The following TRDMT1 variants were observed in gnomAD, a reference collection of about 807,000 sequenced individuals.
TRDMT1 encodes tRNA (cytosine(38)-C(5))-methyltransferase.
In TRDMT1, 49 loss-of-function variants were observed where a neutral mutation model predicts 51.2. The ratio of observed to expected loss-of-function variants is 0.96; its 90% CI spans 0.76 to 1.21. The LOEUF is 1.21. Ranked by LOEUF, TRDMT1 falls within the 50% of genes most tolerant of loss-of-function variation. The pLI is 0.00. For synonymous variants in TRDMT1, 187 were observed against 164.6 expected (o/e 1.14, Z -1.04); for missense variants, 534 against 462.3 (o/e 1.16, Z -1.42).
Position 17,201,552 on chromosome 10 carries a change from G to T in TRDMT1, c.64+19C>A, listed in dbSNP as rs1207541055. 5 of 1,548,592 alleles carry T rather than the reference G, an allele frequency of 3.2e-6. No homozygotes were observed. Among genetic ancestry groups the T allele is most frequent in the Admixed American group, 3.9e-5 (2 of 50,716 alleles). On this transcript the variant is annotated intron_variant, in intron 1 of 10. Coordinates refer to ENST00000377799, the MANE Select transcript of TRDMT1 (RefSeq NM_004412.7). Reference sequence around the variant, plus strand: ...CCCCCGTGAGCGAATAGAGAGAGGGGTGCTAGATGGACTCTCACCTCTCAG... The same window carrying T: ...CCCCCGTGAGCGAATAGAGAGAGGGTTGCTAGATGGACTCTCACCTCTCAG...
chr10:17,195,324 G>A (rs1283909401), intron 1 of TRDMT1, among the ~76,000 whole-genome samples: 1 of 152,162 alleles, frequency 6.6e-6, no homozygotes, highest in Non-Finnish European at 1.5e-5. Flanking sequence ...GCATCTGGAG[G>A]CCATTATCCT....
intron 1 of TRDMT1, among the ~76,000 whole-genome samples, chr10:17,190,354 G>A (rs894396716): frequency 1.9e-4 from 29 of 150,220 alleles, no homozygotes; most frequent in Non-Finnish European, 4.4e-5. Context: ...GTAATTATGT[G>A]TAGATTTGCT....
At chr10:17,157,338 C>G in intron 8 of TRDMT1, 103 bp downstream of exon 8, 2 of 1,170,464 alleles carry the variant, frequency 1.7e-6, no homozygotes, top group South Asian at 3.5e-5. Flanking sequence ...CTAGCAAAAA[C>G]ATTTTATAAA....
chr10:17,183,196 AT>A (rs1843484335), intron 1 of TRDMT1, among the ~76,000 whole-genome samples: 1 of 152,186 alleles, frequency 6.6e-6, no homozygotes, highest in East Asian at 1.9e-4. Flanking sequence ...CAATATCCAT[AT>A]TATTTACTAC....
chr10:17,167,686 T>TC (rs1298770445), intron 3 of TRDMT1, among the ~76,000 whole-genome samples: 1 of 152,194 alleles, frequency 6.6e-6, no homozygotes, highest in Non-Finnish European at 1.5e-5. Context: ...CTATGAAAAG[T>TC]CAGAATTATT....
At chr10:17,196,687 T>C (rs981648728) in intron 1 of TRDMT1, among the ~76,000 whole-genome samples, 4 of 152,186 alleles carry the variant, frequency 2.6e-5, no homozygotes, top group Admixed American at 1.3e-4. Flanking sequence ...TTGCCTATGT[T>C]TCCTGTGTTT....
intron 10 of TRDMT1, chr10:17,150,455 C>T (rs754989832): frequency 7.4e-5 from 73 of 985,184 alleles, no homozygotes; most frequent in Non-Finnish European, 8.3e-5. Context: ...ACATTCCTTT[C>T]TTAAAACAAA....
chr10:17,140,033 T>C lies in TRDMT1; in HGVS notation c.*9007A>G, dbSNP rs1588671045. 1.7e-5 allele frequency among the ~76,000 whole-genome samples: 2 copies of C among 117,842 alleles called. No individual in the cohort carries two copies. Among genetic ancestry groups the C allele is most frequent in the South Asian group, 6.6e-4 (2 of 3,008 alleles). 77.3% of individuals were successfully genotyped at this position (117,842 alleles called of 152,430 possible). On this transcript the variant is annotated 3_prime_UTR_variant, in exon 11 of 11. Transcript: ENST00000377799. ...TAAATATTCTTCCAGTAACATCTAG[T>C]GTGCTTTTTTTTTTTTTTTTTTTTT...
chr10:17,161,115 C>T (rs1266184165), intron 5 of TRDMT1, among the ~76,000 whole-genome samples: 4 of 152,144 alleles, frequency 2.6e-5, no homozygotes, highest in Non-Finnish European at 5.9e-5. Flanking sequence ...GGAATTCTTC[C>T]TGCATCCAAC....
intron 1 of TRDMT1, among the ~76,000 whole-genome samples, chr10:17,182,202 G>A (rs773331369): frequency 6.6e-6 from 1 of 152,128 alleles, no homozygotes; most frequent in Non-Finnish European, 1.5e-5. Context: ...ATGCAATAAG[G>A]GGAGAACATA....
intron 10 of TRDMT1, chr10:17,150,414 T>C: frequency 1.0e-6 from 1 of 985,404 alleles, no homozygotes; most frequent in African/African-American, 1.7e-5. Context: ...CTTCCACAAA[T>C]TGCCTTTCTC....
At chr10:17,172,416 G>T (rs1842145389) in intron 2 of TRDMT1, among the ~76,000 whole-genome samples, 1 of 152,096 alleles carries the variant, frequency 6.6e-6, no homozygotes, top group Non-Finnish European at 1.5e-5. Context: ...CCAGCACTTT[G>T]AGAGGCTGAT....
intron 6 of TRDMT1, among the ~76,000 whole-genome samples, chr10:17,159,584 T>C (rs1047262694): frequency 7.2e-5 from 11 of 152,160 alleles, no homozygotes; most frequent in African/African-American, 2.7e-4. Flanking sequence ...TGGCTATTTA[T>C]TACCTCATTT....
chr10:17,153,887 C>G (rs1167485963), intron 9 of TRDMT1, among the ~76,000 whole-genome samples: 1 of 151,962 alleles, frequency 6.6e-6, no homozygotes. Flanking sequence ...CATTTTTGAG[C>G]CCTTAAAATC....
chr10:17,142,930 G>T lies in TRDMT1; in HGVS notation c.*6110C>A. ...AGAGTTTATAATTACACTTTTCAGG[G>T]AGGAGCAGGGAGAAATAAATCTACA... On this transcript the variant is annotated 3_prime_UTR_variant, in exon 11 of 11. Coordinates refer to ENST00000377799, the MANE Select transcript of TRDMT1 (RefSeq NM_004412.7). 1 of 907,452 alleles carries T rather than the reference G, an allele frequency of 1.1e-6. No homozygotes were observed. Among genetic ancestry groups the T allele is most frequent in the Non-Finnish European group, 1.3e-6 (1 of 759,274 alleles). The allele number at this position is 907,452 out of a possible 1,614,324, so 56.2% of individuals were successfully genotyped here.
In TRDMT1 at chr10:17,146,402, G is replaced by A. The variant is rs1381469916; in HGVS notation, c.*2638C>T. On this transcript the variant is annotated 3_prime_UTR_variant, in exon 11 of 11. Coordinates refer to ENST00000377799, the MANE Select transcript of TRDMT1 (RefSeq NM_004412.7). ...GGTGATGCCATCATTCCTCTTTCTT[G>A]CCTGCCACTGAGGATTGTCAGGCTC... 2.0e-6 allele frequency: 2 copies of A among 985,228 alleles called. No homozygotes were observed. The highest frequency in any genetic ancestry group is 1.7e-5 in the African/African-American group (1 of 57,212). The allele number at this position is 985,228 out of a possible 1,614,324, so 61.0% of individuals were successfully genotyped here. A position where few individuals can be genotyped will look rare whatever the true frequency, so the allele number is the denominator to read the frequency against.
intron 1 of TRDMT1, among the ~76,000 whole-genome samples, chr10:17,189,235 T>A (rs2131593921): frequency 6.6e-6 from 1 of 152,330 alleles, no homozygotes; most frequent in African/African-American, 2.4e-5. Flanking sequence ...GTATATATAT[T>A]TGTATTTTGT....
chr10:17,179,003 C>G (rs1842952917), intron 1 of TRDMT1, among the ~76,000 whole-genome samples: 1 of 151,264 alleles, frequency 6.6e-6, no homozygotes, highest in Non-Finnish European at 1.5e-5. Context: ...CATACCAGAG[C>G]CAGAGAAGTG....
At chr10:17,187,032 T>C (rs779147800) in intron 1 of TRDMT1, among the ~76,000 whole-genome samples, 6 of 152,214 alleles carry the variant, frequency 3.9e-5, no homozygotes, top group Non-Finnish European at 8.8e-5. Flanking sequence ...TTAGCATCAT[T>C]GGTGAGTTTT....
Sources: allele counts gnomAD v4.1 joint callset (sites outside exome capture counted in the v4.1 genomes callset), GRCh38; gene constraint gnomAD v4.1.1; transcripts MANE v1.5; gene names NCBI Gene and HGNC (gene_info 2026-07-23, HGNC 2026-07-21).